KLHL8: variants seen among roughly 807,000 people sequenced by gnomAD.
KLHL8 encodes the protein kelch-like protein 8.
KLHL8 carries 38 observed loss-of-function variants against 63.5 expected under a neutral mutation model. That is an observed-to-expected ratio of 0.60 (90% CI 0.46 to 0.78). The LOEUF (loss-of-function observed/expected upper bound fraction) is 0.78, where lower values mean the gene tolerates loss of function less well. Ranked by LOEUF, KLHL8 falls within the 30% of genes least tolerant of loss-of-function variation. The pLI, the probability that KLHL8 is intolerant of heterozygous loss-of-function variation, is 0.00. For missense variants in KLHL8, 566 were observed against 752.4 expected (o/e 0.75, Z 2.90); for synonymous variants, 224 against 254.3 (o/e 0.88, Z 1.13).
rs1196683814 is a variant in KLHL8, at chr4:87,185,348, T to C, written c.668A>G (p.Asn223Ser). 1.9e-6 allele frequency: 3 copies of C among 1,614,078 alleles called. No homozygotes were observed. The Admixed American group carries it at 5.0e-5, about 27-fold the overall frequency. Residue 223 changes from asparagine (N) to serine (S), a missense_variant, in exon 3 of 10, where the codon AAT (asparagine) becomes AGT (serine). Coordinates refer to ENST00000273963, the MANE Select transcript of KLHL8 (RefSeq NM_020803.5). ...ATAGACCTGCTTTTCATTTTCAATA[T>C]TTAGATCACTGGAGGACAAAAGCTT... ...LHKLLSSSDL[N>S]IENEKQVYNA...
chr4:87,192,636 T>C (rs1245777519), intron 2 of KLHL8, among the ~76,000 whole-genome samples: 2 of 152,208 alleles, frequency 1.3e-5, no homozygotes, highest in African/African-American at 2.4e-5. Context: ...AATACAGTCA[T>C]GTGTCATTGA....
At chr4:87,208,958 C>A (rs112002691) in intron 1 of KLHL8, among the ~76,000 whole-genome samples, 44 of 152,144 alleles carry the variant, frequency 2.9e-4, no homozygotes, top group African/African-American at 1.0e-3. Context: ...GCTGTCTATA[C>A]CAAATTCTCT....
chr4:87,215,764 A>C (rs990033697), intron 1 of KLHL8, among the ~76,000 whole-genome samples: 5 of 152,228 alleles, frequency 3.3e-5, no homozygotes, highest in African/African-American at 1.2e-4. Flanking sequence ...AAAGCAAATA[A>C]GTTTTAAATG....
chr4:87,203,412 G>A (rs572157380), intron 1 of KLHL8, among the ~76,000 whole-genome samples: 2 of 151,772 alleles, frequency 1.3e-5, no homozygotes, highest in South Asian at 2.1e-4. Flanking sequence ...GGTGGTGGGC[G>A]CCAGCTACTC....
chr4:87,174,241 T>C (rs2149833311), intron 6 of KLHL8, among the ~76,000 whole-genome samples: 1 of 151,884 alleles, frequency 6.6e-6, no homozygotes, highest in South Asian at 2.1e-4. Context: ...ATATCATATA[T>C]ATGTGTGTAT....
intron 8 of KLHL8, chr4:87,167,565 T>C: frequency 1.9e-6 from 1 of 532,238 alleles, no homozygotes; most frequent in Non-Finnish European, 3.8e-6. Flanking sequence ...GCTCTGGGGC[T>C]GTTATGCTAA....
At position 87,185,261 on chromosome 4, in the gene KLHL8, G is replaced by A. The variant is rs2109993372; in HGVS notation, c.755C>T (p.Thr252Ile). The A allele has an allele frequency of 6.2e-7, 1 of 1,610,586 alleles. No individual in the cohort carries two copies. Among genetic ancestry groups the A allele is most frequent in the Non-Finnish European group, 8.5e-7 (1 of 1,177,736 alleles). Residue 252 changes from threonine to isoleucine, a missense_variant, in exon 3 of 10, where the codon ACA (threonine) becomes ATA (isoleucine). Physicochemically the swap from Thr to Ile is moderately conservative, Grantham distance 89. Coordinates refer to ENST00000273963, the MANE Select transcript of KLHL8 (RefSeq NM_020803.5). ...PQHHSKWLDE[T>I]LAQVRLPLLP... Reference sequence around the variant, plus strand: ...TATTTCAGCTCCTACCTGTGCAAGTGTTTCATCCAACCATTTGGAATGATG... The same window carrying A: ...TATTTCAGCTCCTACCTGTGCAAGTATTTCATCCAACCATTTGGAATGATG...
At chr4:87,167,643 A>G in intron 8 of KLHL8, 4 of 438,214 alleles carry the variant, frequency 9.1e-6, no homozygotes, top group South Asian at 7.2e-5. Context: ...CTTCCCGTGT[A>G]CAGAGGGTTC....
In KLHL8 at chr4:87,233,800, T is replaced by C. The variant is rs77645633; in HGVS notation, n.57+6458A>G. Among the ~76,000 whole-genome samples the C allele has an allele frequency of 2.6e-3, 396 of 152,346 alleles. 2 individuals are homozygous for C. The highest frequency in any genetic ancestry group is 8.7e-3 in the African/African-American group (363 of 41,590). Reference sequence around the variant, plus strand: ...ACCACTTATGCCTACAAAATCTTGATTGAAGATACTTGATAAATATTTTTC... The same window carrying C: ...ACCACTTATGCCTACAAAATCTTGACTGAAGATACTTGATAAATATTTTTC... On this transcript the variant is annotated intron_variant and non_coding_transcript_variant, in intron 1 of 1. Transcript: ENST00000506274.
chr4:87,170,016 C>T (rs1730574794), intron 8 of KLHL8, 63 bp downstream of exon 8: 1 of 1,285,730 alleles, frequency 7.8e-7, no homozygotes, highest in Non-Finnish European at 1.1e-6. Context: ...ATTTTTGTTA[C>T]TCTGTTATAT....
At chr4:87,209,263 A>T (rs748636920) in intron 1 of KLHL8, among the ~76,000 whole-genome samples, 1 of 152,230 alleles carries the variant, frequency 6.6e-6, no homozygotes, top group Non-Finnish European at 1.5e-5. Flanking sequence ...ATATATTAAA[A>T]GATTAAAAGC....
At chr4:87,239,613 C>T (rs1733293105) in intron 1 of KLHL8, among the ~76,000 whole-genome samples, 1 of 152,030 alleles carries the variant, frequency 6.6e-6, no homozygotes, top group Non-Finnish European at 1.5e-5. Context: ...TCTCAGTTCC[C>T]TTTCACCCTC....
At chr4:87,236,663 CTTT>C (rs34454982) in intron 1 of KLHL8, among the ~76,000 whole-genome samples, 3 of 110,412 alleles carry the variant, frequency 2.7e-5, no homozygotes, top group Non-Finnish European at 1.7e-5. Context: ...TGTACTGTGT[CTTT>C]TTTTTTTTTT....
intron 2 of KLHL8, among the ~76,000 whole-genome samples, chr4:87,191,286 T>C (rs1035453327): frequency 6.6e-6 from 1 of 152,092 alleles, no homozygotes; most frequent in Non-Finnish European, 1.5e-5. Flanking sequence ...CTGGGCAACA[T>C]GGCCAAACCC....
chr4:87,181,296 AT>A (rs1731043266), intron 4 of KLHL8, among the ~76,000 whole-genome samples: 1 of 147,088 alleles, frequency 6.8e-6, no homozygotes, highest in Non-Finnish European at 1.5e-5. Flanking sequence ...AAAAAAAAAA[AT>A]TTGCCCGGCG....
intron 1 of KLHL8, among the ~76,000 whole-genome samples, chr4:87,227,276 A>G (rs1031343537): frequency 6.6e-6 from 1 of 151,782 alleles, no homozygotes; most frequent in Non-Finnish European, 1.5e-5. Flanking sequence ...GTTTTAAAGT[A>G]TCTCTCTCGT....
At position 87,160,719 on chromosome 4, in the gene KLHL8, T is replaced by C. The variant is rs1035017197; in HGVS notation, c.*2800A>G. On this transcript the variant is annotated 3_prime_UTR_variant, in exon 10 of 10. Coordinates refer to ENST00000273963, the MANE Select transcript of KLHL8 (RefSeq NM_020803.5). ...TAAAGCAATGGCTTTAATGACTAAA[T>C]GAAAGAATCACAAAGCACCTAGAAA... The C allele has an allele frequency of 6.6e-6, 1 of 152,212 alleles. No homozygotes were observed. The highest frequency in any genetic ancestry group is 2.4e-5 in the African/African-American group (1 of 41,464). The allele number at this position is 152,212 out of a possible 1,614,324, so 9.4% of individuals were successfully genotyped here.
chr4:87,179,732 G>A (rs917820474), intron 4 of KLHL8, among the ~76,000 whole-genome samples: 6 of 152,014 alleles, frequency 3.9e-5, no homozygotes, highest in South Asian at 2.1e-4. Context: ...AGCTATGATT[G>A]CACCACTGCA....
At chr4:87,237,184 C>T (rs1433689973) in intron 1 of KLHL8, among the ~76,000 whole-genome samples, 1 of 152,124 alleles carries the variant, frequency 6.6e-6, no homozygotes, top group Non-Finnish European at 1.5e-5. Context: ...CCAGAACTCC[C>T]AATCCAACTG....
Sources: gnomAD v4.1 joint callset for allele counts (sites outside exome capture counted in the v4.1 genomes callset) on GRCh38, gnomAD v4.1.1 for gene constraint, MANE v1.5 for transcripts, NCBI Gene and HGNC (gene_info 2026-07-23, HGNC 2026-07-21) for gene names.